ZNF850: variants seen among roughly 807,000 people sequenced by gnomAD.
ZNF850 encodes putative zinc finger protein ENSP00000330994.
ZNF850 carries 2 observed loss-of-function variants against 11.9 expected under a neutral mutation model. That is an observed-to-expected ratio of 0.17 (90% CI 0.07 to 0.53). The LOEUF (loss-of-function observed/expected upper bound fraction) is 0.53. Among genes scored for constraint, ZNF850 ranks in the 20% least tolerant of loss-of-function variants. The pLI is 0.94. For synonymous variants in ZNF850, 381 were observed against 443.0 expected (o/e 0.86, Z 1.76); for missense variants, 1,014 against 1,316.4 (o/e 0.77, Z 3.55).
Position 36,749,222 on chromosome 19 carries a change from T to C in ZNF850, c.1818A>G (p.Gln606=). The C allele has an allele frequency of 1.3e-6, 2 of 1,596,348 alleles. No homozygotes were observed. The highest frequency in any genetic ancestry group is 8.5e-7 in the Non-Finnish European group (1 of 1,173,566). ...KSFTVGSTLL[Q]HQQIHTGEKP... is the part of the protein sequence containing the mutation. ...TCTCACCAGTGTGAATTTGCTGATG[T>C]TGAAGTAGTGTTGAGCCAACAGTAA... The change falls in exon 5 of 5, where the codon CAA becomes CAG. Residue 606 remains glutamine, a synonymous_variant. Transcript: ENST00000591344.
intron 4 of ZNF850, among the ~76,000 whole-genome samples, chr19:36,760,755 C>G (rs2040513142): frequency 6.6e-6 from 1 of 151,888 alleles, no homozygotes; most frequent in South Asian, 2.1e-4. Context: ...GTCCCAGCTA[C>G]TCAAGAGGCT....
intron 1 of ZNF850, among the ~76,000 whole-genome samples, chr19:36,764,669 T>G (rs1295688125): frequency 6.6e-6 from 1 of 152,170 alleles, no homozygotes; most frequent in Non-Finnish European, 1.5e-5. Context: ...TGCATGTGTG[T>G]TGTTGCTTTA....
chr19:36,755,276 G>A (rs533713905), intron 4 of ZNF850, among the ~76,000 whole-genome samples: 2 of 152,006 alleles, frequency 1.3e-5, no homozygotes, highest in Non-Finnish European at 2.9e-5. Flanking sequence ...CACCCGTGCC[G>A]GAATGCAGTG....
chr19:36,767,852 A>G (rs1286535453), intron 1 of ZNF850, among the ~76,000 whole-genome samples: 2 of 152,256 alleles, frequency 1.3e-5, no homozygotes, highest in Non-Finnish European at 2.9e-5. Flanking sequence ...AATAATGCCA[A>G]TAAATAATGA....
Position 36,747,252 on chromosome 19 carries a change from T to C in ZNF850, c.*515A>G, listed in dbSNP as rs1009282784. 1 of 153,016 alleles carries C rather than the reference T, an allele frequency of 6.5e-6. No homozygotes were observed. Among genetic ancestry groups the C allele is most frequent in the African/African-American group, 2.4e-5 (1 of 41,452 alleles). 9.5% of individuals were successfully genotyped at this position (153,016 alleles called of 1,614,324 possible). A position where few individuals can be genotyped will look rare whatever the true frequency, so the allele number is the denominator to read the frequency against. Reference sequence around the variant, plus strand: ...CAGAGAATTTACATAACTAGCCTAATGTCACGTAGGTAGTAAATGGTTGTC... The same window carrying C: ...CAGAGAATTTACATAACTAGCCTAACGTCACGTAGGTAGTAAATGGTTGTC... On this transcript the variant is annotated 3_prime_UTR_variant, in exon 5 of 5. Coordinates refer to ENST00000591344, the MANE Select transcript of ZNF850 (RefSeq NM_001193552.2).
At position 36,746,670 on chromosome 19, in the gene ZNF850, G is replaced by T. The variant is rs904964146; in HGVS notation, c.*1097C>A. The T allele has an allele frequency of 6.6e-6, 1 of 150,892 alleles. No individual in the cohort carries two copies. Among genetic ancestry groups the T allele is most frequent in the African/African-American group, 2.4e-5 (1 of 41,194 alleles). The allele number at this position is 150,892 out of a possible 1,614,324, so 9.3% of individuals were successfully genotyped here. A position where few individuals can be genotyped will look rare whatever the true frequency, so the allele number is the denominator to read the frequency against. On this transcript the variant is annotated 3_prime_UTR_variant, in exon 5 of 5. Coordinates refer to ENST00000591344, the MANE Select transcript of ZNF850 (RefSeq NM_001193552.2). ...CGGCTTGGAATTTCTAATATAAATT[G>T]CCCACTGGATCCAAAGGAGAAGGTG...
At chr19:36,761,863 T>C in intron 3 of ZNF850, 125 bp from the exon 4 acceptor site, 1 of 572,344 alleles carries the variant, frequency 1.7e-6, no homozygotes, top group South Asian at 2.2e-5. Flanking sequence ...CTGACCAACA[T>C]GGTGAAACCC....
intron 1 of ZNF850, among the ~76,000 whole-genome samples, chr19:36,765,313 A>C (rs1217968516): frequency 1.3e-5 from 2 of 152,238 alleles, no homozygotes; most frequent in African/African-American, 4.8e-5. Context: ...TAGACATGAC[A>C]GGACCGTGGT....
chr19:36,751,698 CAA>C (rs398038336), intron 4 of ZNF850, among the ~76,000 whole-genome samples: 4 of 15,772 alleles, frequency 2.5e-4, no homozygotes, highest in African/African-American at 1.0e-3. Context: ...GACTCCATCT[CAA>C]AAAAAAAAAA....
Position 36,749,163 on chromosome 19 carries a change from A to G in ZNF850, c.1877T>C (p.Phe626Ser), listed in dbSNP as rs1359005665. 1.9e-6 allele frequency: 3 copies of G among 1,605,894 alleles called. No individual in the cohort carries two copies. The highest frequency in any genetic ancestry group is 2.5e-6 in the Non-Finnish European group (3 of 1,177,666). ...TTGAGTAAGTCGTAAACGAAGTCTA[A>G]AGGCCTTCCCACATTCCTTACAATC... Reference protein sequence around the residue: ...PYDCKECGKAFRLRLRLTQHQ... With the variant: ...PYDCKECGKASRLRLRLTQHQ... Residue 626 changes from phenylalanine to serine, a missense_variant, in exon 5 of 5, where the codon TTT becomes TCT. By Grantham distance (155) the Phe-to-Ser change is radical. Around this residue, in one of 2 missense-constraint regions of ZNF850, gnomAD observed 835 missense variants for 1,022.0 expected, o/e 0.82. Transcript: ENST00000591344.
rs150508600 is a variant in ZNF850, at chr19:36,753,096, C to T, written c.236-2292G>A. Among the ~76,000 whole-genome samples, 301 of 151,190 alleles carry T rather than the reference C, an allele frequency of 2.0e-3. 1 individual carries two copies. The highest frequency in any genetic ancestry group is 3.2e-3 in the Non-Finnish European group (220 of 67,764). On this transcript the variant is annotated intron_variant, in intron 4 of 4. Transcript: ENST00000591344. ...ACCAGCCTGGTCAACATGACAAAAC[C>T]CCGACTTTACTAAAAATACAAAATA...
At chr19:36,770,434 C>G (rs995273722) in intron 1 of ZNF850, among the ~76,000 whole-genome samples, 3 of 152,146 alleles carry the variant, frequency 2.0e-5, no homozygotes, top group African/African-American at 7.2e-5. Context: ...TGCAGTGGCT[C>G]ACGCCGGTAA....
intron 4 of ZNF850, among the ~76,000 whole-genome samples, chr19:36,751,698 C>CAAAAAAAAA: frequency 6.3e-5 from 1 of 15,770 alleles, no homozygotes; most frequent in Non-Finnish European, 1.1e-4. Flanking sequence ...GACTCCATCT[C>CAAAAAAAAA]AAAAAAAAAA....
Position 36,749,427 on chromosome 19 carries a change from C to T in ZNF850, c.1613G>A (p.Cys538Tyr). 6.5e-7 allele frequency: 1 copy of T among 1,549,684 alleles called. No individual in the cohort carries two copies. Among genetic ancestry groups the T allele is most frequent in the Non-Finnish European group, 8.7e-7 (1 of 1,152,338 alleles). ...TGEKPYHCKE[C>Y]GKSFTFRSGL... ...TGAGCGAAAAGTAAAAGATTTTCCA[C>T]ATTCCTTACAATGATAGGGTTTCTC... is the stretch of plus-strand genomic sequence containing the variant. The change falls in exon 5 of 5, where the codon TGT (cysteine) becomes TAT (tyrosine). Residue 538 changes from cysteine to tyrosine, a missense_variant. This residue lies in a region of ZNF850 where 835 missense variants were observed against 1,022.0 expected (regional missense o/e 0.82). Transcript: ENST00000591344.
intron 4 of ZNF850, among the ~76,000 whole-genome samples, chr19:36,756,094 C>T (rs554995808): frequency 6.6e-6 from 1 of 151,686 alleles, no homozygotes; most frequent in African/African-American, 2.4e-5. Flanking sequence ...TTAGTAGAGA[C>T]GGGGTTTTAC....
intron 4 of ZNF850, among the ~76,000 whole-genome samples, chr19:36,755,418 G>C (rs867847732): frequency 1.3e-5 from 2 of 152,054 alleles, no homozygotes; most frequent in African/African-American, 2.4e-5. Flanking sequence ...GTACAGAAAG[G>C]GTTTCGCCAT....
At chr19:36,767,275 A>C (rs2040554559) in intron 1 of ZNF850, among the ~76,000 whole-genome samples, 1 of 143,748 alleles carries the variant, frequency 7.0e-6, no homozygotes, top group African/African-American at 2.6e-5. Flanking sequence ...AATACAAAAA[A>C]GTCGGGCACA....
intron 3 of ZNF850, among the ~76,000 whole-genome samples, chr19:36,762,045 C>CAAAA (rs374193379): frequency 9.7e-4 from 111 of 114,196 alleles, no homozygotes; most frequent in African/African-American, 2.6e-3. Flanking sequence ...GACTTTGTCT[C>CAAAA]AAAAAAAAAA....
At chr19:36,764,413 T>C (rs2040537247) in intron 1 of ZNF850, among the ~76,000 whole-genome samples, 1 of 151,928 alleles carries the variant, frequency 6.6e-6, no homozygotes, top group African/African-American at 2.4e-5. Context: ...CCAGGAAAAA[T>C]AAATGTCTGG....
Sources: allele counts gnomAD v4.1 joint callset (sites outside exome capture counted in the v4.1 genomes callset), GRCh38; gene constraint gnomAD v4.1.1; regional missense constraint gnomAD v4.1.1; transcripts MANE v1.5; gene names NCBI Gene and HGNC (gene_info 2026-07-23, HGNC 2026-07-21).